PCDHA1: variants seen among roughly 807,000 people sequenced by gnomAD.
The protein encoded by PCDHA1 is protocadherin alpha 1.
Under a neutral mutation model 61.3 loss-of-function variants are expected in PCDHA1, and 42 were observed. The observed-to-expected ratio is 0.69, with a 90% confidence interval of 0.54 to 0.89. The LOEUF is 0.89. Among genes scored for constraint, PCDHA1 ranks in the 40% least tolerant of loss-of-function variants. The probability of loss-of-function intolerance (pLI) is 0.00; values close to 1 mark genes in which losing one functional copy is unlikely to be tolerated. For missense variants in PCDHA1, 1,256 were observed against 1,235.3 expected (o/e 1.02, Z -0.25); for synonymous variants, 610 against 553.8 (o/e 1.10, Z -1.43).
At chr5:140,884,320 A>T in intron 1 of PCDHA1, 1 of 1,613,806 alleles carries the variant, frequency 6.2e-7, no homozygotes, top group Non-Finnish European at 8.5e-7. Context: ...GGGCGTCGGC[A>T]GGCGCTGTGG....
rs936514432 is a variant in PCDHA1, at chr5:140,822,241, G to A, written c.2394+33557G>A. ...AGATTCGCGGTTTCCGCTAGAGGGC[G>A]CGTCGGATTTGGATATTGGAGCAAA... is the stretch of plus-strand genomic sequence containing the variant. On this transcript the variant is annotated intron_variant, in intron 1 of 3. Transcript: ENST00000504120. 1.2e-6 allele frequency: 2 copies of A among 1,614,110 alleles called. No individual in the cohort carries two copies. Among genetic ancestry groups the A allele is most frequent in the East Asian group, 2.2e-5 (1 of 44,902 alleles).
At chr5:140,986,480 T>A (rs781884269) in intron 3 of PCDHA1, among the ~76,000 whole-genome samples, 16 of 152,200 alleles carry the variant, frequency 1.1e-4, no homozygotes, top group Non-Finnish European at 1.5e-4. Flanking sequence ...GATCAGTTCC[T>A]AGGGCAATCC....
intron 1 of PCDHA1, among the ~76,000 whole-genome samples, chr5:140,897,064 CTT>C (rs1313385579): frequency 3.3e-5 from 5 of 152,042 alleles, no homozygotes; most frequent in Non-Finnish European, 4.4e-5. Flanking sequence ...AATACTATGT[CTT>C]ATTCATTTTT....
chr5:140,944,464 G>T (rs2093661298), intron 1 of PCDHA1, among the ~76,000 whole-genome samples: 1 of 152,158 alleles, frequency 6.6e-6, no homozygotes, highest in African/African-American at 2.4e-5. Context: ...TGGGATTACA[G>T]GTATGAGGCA....
At chr5:140,994,081 G>A (rs147535219) in intron 3 of PCDHA1, among the ~76,000 whole-genome samples, 2 of 152,260 alleles carry the variant, frequency 1.3e-5, no homozygotes, top group Admixed American at 6.5e-5. Flanking sequence ...AGGGAGAAAT[G>A]TAAAGAAATA....
In PCDHA1 at chr5:140,923,435, G is replaced by A. The variant is rs186360462; in HGVS notation, c.2395-55514G>A. 5.3e-3 allele frequency among the ~76,000 whole-genome samples: 803 copies of A among 152,184 alleles called. 3 individuals are homozygous for A. Among genetic ancestry groups the A allele is most frequent in the Non-Finnish European group, 8.4e-3 (569 of 67,990 alleles). ...CCTGGCTACTTGGGAGGCTGGGGTG[G>A]GAGGATCACCTGAGCCCAGAGAGGT... On this transcript the variant is annotated intron_variant, in intron 1 of 3. Transcript: ENST00000504120.
chr5:140,809,062 G>A (rs781986563), intron 1 of PCDHA1: 1 of 1,613,900 alleles, frequency 6.2e-7, no homozygotes, highest in Non-Finnish European at 8.5e-7. Flanking sequence ...TCCGCGTGGG[G>A]CTGTACACTG....
intron 1 of PCDHA1, chr5:140,863,371 C>A: frequency 2.6e-6 from 3 of 1,169,148 alleles, no homozygotes; most frequent in Non-Finnish European, 3.7e-6. Context: ...CTTGGCGCAG[C>A]TCACCGAGAG....
At chr5:140,930,306 CAT>C (rs1554207728) in intron 1 of PCDHA1, 1 of 152,052 alleles carries the variant, frequency 6.6e-6, no homozygotes, top group East Asian at 1.9e-4. Context: ...AAGTAAATAT[CAT>C]ATTTGAGAGT....
At chr5:140,995,698 G>A (rs963042409) in intron 3 of PCDHA1, among the ~76,000 whole-genome samples, 2 of 152,104 alleles carry the variant, frequency 1.3e-5, no homozygotes, top group African/African-American at 2.4e-5. Flanking sequence ...TTAAATAAAG[G>A]GCTGGGCTTG....
intron 1 of PCDHA1, among the ~76,000 whole-genome samples, chr5:140,908,078 A>T (rs1047293736): frequency 6.6e-6 from 1 of 152,202 alleles, no homozygotes; most frequent in Non-Finnish European, 1.5e-5. Context: ...AAAGTGCACA[A>T]CCAGGTGCAC....
At chr5:140,918,742 A>T (rs2078833886) in intron 1 of PCDHA1, among the ~76,000 whole-genome samples, 1 of 152,170 alleles carries the variant, frequency 6.6e-6, no homozygotes, top group Non-Finnish European at 1.5e-5. Context: ...GCCCTTATAA[A>T]AGAGGCCCAG....
intron 1 of PCDHA1, among the ~76,000 whole-genome samples, chr5:140,826,671 C>A (rs1040298871): frequency 2.1e-4 from 32 of 151,720 alleles, no homozygotes; most frequent in Admixed American, 1.4e-3. Flanking sequence ...AAATTGTAGA[C>A]GTAATTAAAA....
intron 1 of PCDHA1, chr5:140,862,879 G>T: frequency 1.8e-6 from 1 of 567,506 alleles, no homozygotes. Context: ...AGGTATTAGT[G>T]CTGGAACGAC....
At chr5:140,809,028 G>A in intron 1 of PCDHA1, 3 of 1,613,838 alleles carry the variant, frequency 1.9e-6, no homozygotes, top group South Asian at 2.2e-5. Context: ...CTGCAGCCGG[G>A]GACTGGTGGC....
At chr5:140,903,313 C>G (rs974760383) in intron 1 of PCDHA1, among the ~76,000 whole-genome samples, 2 of 152,088 alleles carry the variant, frequency 1.3e-5, no homozygotes, top group South Asian at 4.1e-4. Context: ...ACAATAAAGA[C>G]AGCATTTTTA....
chr5:140,901,352 G>T (rs1426715966), intron 1 of PCDHA1, among the ~76,000 whole-genome samples: 2 of 152,138 alleles, frequency 1.3e-5, no homozygotes, highest in East Asian at 3.8e-4. Flanking sequence ...TGATGTCTTA[G>T]ATTTAAGTCT....
At position 140,857,876 on chromosome 5, in the gene PCDHA1, T is replaced by C. The variant is rs2044975773; in HGVS notation, c.2394+69192T>C. ...ATACAACGCGTGGCTGTCGTATGAATTGCAGTCGGCGGCGGTTGGTGCACG... is the reference window on the plus strand; with the variant it reads ...ATACAACGCGTGGCTGTCGTATGAACTGCAGTCGGCGGCGGTTGGTGCACG... On this transcript the variant is annotated intron_variant, in intron 1 of 3. Coordinates refer to ENST00000504120, the MANE Select transcript of PCDHA1 (RefSeq NM_018900.4). 3.1e-6 allele frequency: 5 copies of C among 1,597,774 alleles called. 1 individual carries two copies. Among genetic ancestry groups the C allele is most frequent in the East Asian group, 2.2e-5 (1 of 44,820 alleles).
chr5:140,835,536 G>T, intron 1 of PCDHA1: 9 of 1,613,940 alleles, frequency 5.6e-6, no homozygotes, highest in Non-Finnish European at 7.6e-6. Context: ...CAACGGACAG[G>T]TTACCTGCTC....
Sources: allele counts gnomAD v4.1 joint callset (sites outside exome capture counted in the v4.1 genomes callset), GRCh38; gene constraint gnomAD v4.1.1; transcripts MANE v1.5; gene names NCBI Gene and HGNC (gene_info 2026-07-23, HGNC 2026-07-21).